The following TNFRSF10C variants were observed in gnomAD, a reference collection of about 807,000 sequenced individuals.
TNFRSF10C encodes the protein TNF receptor superfamily member 10c.
TNFRSF10C carries 17 observed loss-of-function variants against 16.7 expected under a neutral mutation model. That is an observed-to-expected ratio of 1.02 (90% confidence interval 0.70 to 1.53). The LOEUF (loss-of-function observed/expected upper bound fraction) is 1.53, where lower values mean the gene tolerates loss of function less well. TNFRSF10C is among the 40% of genes most tolerant of loss of function. The pLI is 0.00. For missense variants in TNFRSF10C, 237 were observed against 329.7 expected, an observed-to-expected ratio of 0.72 and a Z score of 2.18; for synonymous variants, 73 against 119.7, an observed-to-expected ratio of 0.61 and a Z score of 2.55.
chr8:23,103,288 C>T (rs1585244372), intron 1 of TNFRSF10C, 107 bp downstream of exon 1: 3 of 1,521,892 alleles, frequency 2.0e-6, no homozygotes, highest in Admixed American at 2.0e-5. Context: ...CACCTGCGGC[C>T]GGGCATGTCC....
intron 1 of TNFRSF10C, among the ~76,000 whole-genome samples, chr8:23,107,083 C>T (rs991026980): frequency 2.0e-5 from 3 of 152,138 alleles, no homozygotes; most frequent in Non-Finnish European, 2.9e-5. Context: ...GGGCAGGGTG[C>T]GATGGCTCAC....
At chr8:23,114,793 G>C (rs1225834836) in intron 3 of TNFRSF10C, 23 bp downstream of exon 3, 1 of 1,603,534 alleles carries the variant, frequency 6.2e-7, no homozygotes, top group Non-Finnish European at 8.5e-7. Context: ...TGGACCTCTT[G>C]TCCAGAGGTG....
rs574923948 is a variant in TNFRSF10C, at chr8:23,117,296, C to T, written c.*265C>T. The T allele has an allele frequency of 3.5e-6, 2 of 566,080 alleles. No homozygotes were observed. Among genetic ancestry groups the T allele is most frequent in the African/African-American group, 3.7e-5 (2 of 53,592 alleles). The allele number at this position is 566,080 out of a possible 1,614,324, so 35.1% of individuals were successfully genotyped here. A position where few individuals can be genotyped will look rare whatever the true frequency, so the allele number is the denominator to read the frequency against. ...CCTGGAGCTGGGGGTCCACACATCT[C>T]CCAGCCAAGTCCAAGAGGGCAGGGC... On this transcript the variant is annotated 3_prime_UTR_variant, in exon 5 of 5. Coordinates refer to ENST00000356864, the MANE Select transcript of TNFRSF10C (RefSeq NM_003841.5).
intron 1 of TNFRSF10C, among the ~76,000 whole-genome samples, chr8:23,111,326 C>T (rs1361719030): frequency 5.8e-4 from 88 of 151,940 alleles, no homozygotes; most frequent in Non-Finnish European, 7.4e-5. Context: ...AAGCTATTCT[C>T]CTGCCTCAGC....
intron 2 of TNFRSF10C, among the ~76,000 whole-genome samples, chr8:23,112,392 G>A (rs751342150): frequency 2.8e-4 from 43 of 152,110 alleles, no homozygotes; most frequent in Admixed American, 6.5e-4. Context: ...AACTGTAGTC[G>A]CCATGTCACA....
intron 2 of TNFRSF10C, among the ~76,000 whole-genome samples, chr8:23,113,666 G>A (rs537563838): frequency 6.6e-6 from 1 of 152,226 alleles, no homozygotes; most frequent in South Asian, 2.1e-4. Flanking sequence ...TACCATTGTT[G>A]TGCCATTACC....
chr8:23,106,879 G>A (rs1813788090), intron 1 of TNFRSF10C, among the ~76,000 whole-genome samples: 1 of 151,710 alleles, frequency 6.6e-6, no homozygotes, highest in Non-Finnish European at 1.5e-5. Context: ...CCCAGCTACT[G>A]GAGAGGCTGA....
chr8:23,112,932 C>G (rs546447341), intron 2 of TNFRSF10C, among the ~76,000 whole-genome samples: 1 of 147,798 alleles, frequency 6.8e-6, no homozygotes, highest in African/African-American at 2.5e-5. Flanking sequence ...TCCATTCCCA[C>G]CAACAGTGTA....
intron 1 of TNFRSF10C, among the ~76,000 whole-genome samples, chr8:23,107,626 A>G (rs1460134821): frequency 6.6e-6 from 1 of 152,256 alleles, no homozygotes; most frequent in Non-Finnish European, 1.5e-5. Flanking sequence ...AGTTTATCCA[A>G]TTAAAATGGA....
chr8:23,115,285 T>C (rs970273528), intron 3 of TNFRSF10C, among the ~76,000 whole-genome samples: 9 of 152,200 alleles, frequency 5.9e-5, no homozygotes, highest in Admixed American at 1.3e-4. Context: ...CCTAATCTGA[T>C]GTAATAAATA....
At chr8:23,107,874 A>G (rs915627562) in intron 1 of TNFRSF10C, among the ~76,000 whole-genome samples, 2 of 152,212 alleles carry the variant, frequency 1.3e-5, no homozygotes, top group African/African-American at 4.8e-5. Flanking sequence ...GAAGACACAG[A>G]TGTTGTCTGT....
At chr8:23,103,882 T>C (rs1197268505) in intron 1 of TNFRSF10C, among the ~76,000 whole-genome samples, 1 of 152,232 alleles carries the variant, frequency 6.6e-6, no homozygotes, top group African/African-American at 2.4e-5. Flanking sequence ...CTAGGTCTCT[T>C]TCAGATTGAT....
intron 1 of TNFRSF10C, among the ~76,000 whole-genome samples, chr8:23,105,251 A>C (rs1813754906): frequency 1.3e-5 from 2 of 152,124 alleles, no homozygotes; most frequent in African/African-American, 4.8e-5. Flanking sequence ...AGGAGGTAAA[A>C]ATCTTCAGCA....
chr8:23,116,039 C>T (rs1813977279), intron 4 of TNFRSF10C, among the ~76,000 whole-genome samples: 1 of 152,070 alleles, frequency 6.6e-6, no homozygotes, highest in South Asian at 2.1e-4. Context: ...CAGGCAGGAC[C>T]CATAAAGACA....
intron 4 of TNFRSF10C, among the ~76,000 whole-genome samples, chr8:23,116,281 C>T (rs527956714): frequency 6.6e-6 from 1 of 152,344 alleles, no homozygotes; most frequent in South Asian, 2.1e-4. Flanking sequence ...TGAGAGATCA[C>T]TTGTACTGTG....
intron 1 of TNFRSF10C, chr8:23,103,543 T>C (rs572751286): frequency 3.0e-6 from 1 of 336,862 alleles, no homozygotes; most frequent in East Asian, 6.9e-5. Flanking sequence ...ATTAACCCCA[T>C]GTTTACATTC....
intron 1 of TNFRSF10C, among the ~76,000 whole-genome samples, chr8:23,105,204 C>T (rs781636017): frequency 2.0e-5 from 3 of 152,202 alleles, no homozygotes; most frequent in Non-Finnish European, 4.4e-5. Flanking sequence ...GGCTCTGTGA[C>T]TCTGGTGTGG....
intron 1 of TNFRSF10C, among the ~76,000 whole-genome samples, chr8:23,111,499 G>C (rs1813877366): frequency 6.9e-6 from 1 of 145,690 alleles, no homozygotes; most frequent in South Asian, 2.2e-4. Flanking sequence ...ACAAGCTTGA[G>C]CCATCGCGCT....
chr8:23,106,973 T>C (rs1170932039), intron 1 of TNFRSF10C, among the ~76,000 whole-genome samples: 1 of 151,960 alleles, frequency 6.6e-6, no homozygotes, highest in Non-Finnish European at 1.5e-5. Flanking sequence ...CTGGGGACTT[T>C]CATCTCCTGC....
Sources: gnomAD v4.1 joint callset for allele counts (sites outside exome capture counted in the v4.1 genomes callset) on GRCh38, gnomAD v4.1.1 for gene constraint, MANE v1.5 for transcripts, NCBI Gene and HGNC (gene_info 2026-07-23, HGNC 2026-07-21) for gene names.